Variants in DTNA observed in about 807,000 individuals in gnomAD.
DTNA encodes dystrobrevin alpha, also known as dystrophin-related protein 3.
DTNA carries 43 observed loss-of-function variants against 100.7 expected under a neutral mutation model. The observed-to-expected ratio is 0.43, with a 90% CI of 0.33 to 0.55. DTNA has a LOEUF of 0.55. Among genes scored for constraint, DTNA ranks in the 20% least tolerant of loss-of-function variants. The probability of loss-of-function intolerance (pLI) is 0.04; values close to 1 mark genes in which losing one functional copy is unlikely to be tolerated. For missense variants in DTNA, 798 were observed against 953.9 expected (o/e 0.84, Z 2.15); for synonymous variants, 349 against 347.9 (o/e 1.00, Z -0.04).
At chr18:34,783,640 C>A (rs185767702) in intron 3 of DTNA, among the ~76,000 whole-genome samples, 146 of 152,262 alleles carry the variant, frequency 9.6e-4, no homozygotes, top group African/African-American at 3.2e-3. Context: ...AGCTCATGCT[C>A]ACTAATGGAA....
chr18:34,641,553 G>A (rs568938084), intron 1 of DTNA, among the ~76,000 whole-genome samples: 1 of 152,214 alleles, frequency 6.6e-6, no homozygotes, highest in African/African-American at 2.4e-5. Flanking sequence ...CTTTTATCCA[G>A]GTGGAACAAT....
At chr18:34,671,665 A>G (rs2076771425) in intron 1 of DTNA, among the ~76,000 whole-genome samples, 1 of 152,212 alleles carries the variant, frequency 6.6e-6, no homozygotes, top group Admixed American at 6.5e-5. Flanking sequence ...TTACTAATGT[A>G]ACTGATAGAG....
At chr18:34,864,213 C>T in intron 17 of DTNA, 151 bp downstream of exon 17, 1 of 645,774 alleles carries the variant, frequency 1.5e-6, no homozygotes, top group Non-Finnish European at 2.7e-6. Flanking sequence ...TTTGTTAGAC[C>T]AGTGTAGCAG....
At chr18:34,875,917 A>C (rs2096811473) in intron 18 of DTNA, among the ~76,000 whole-genome samples, 1 of 152,236 alleles carries the variant, frequency 6.6e-6, no homozygotes, top group African/African-American at 2.4e-5. Context: ...AGGAGTACAA[A>C]GAGGGATGGG....
intron 1 of DTNA, among the ~76,000 whole-genome samples, chr18:34,686,712 G>C (rs1006825493): frequency 6.6e-6 from 1 of 152,090 alleles, no homozygotes; most frequent in African/African-American, 2.4e-5. Context: ...CAGAAGGAAT[G>C]GTACCAGCTC....
chr18:34,816,887 T>A (rs1214667747), intron 7 of DTNA, among the ~76,000 whole-genome samples: 1 of 152,252 alleles, frequency 6.6e-6, no homozygotes, highest in Non-Finnish European at 1.5e-5. Context: ...TATGAATTTA[T>A]CCTGTTTTTC....
intron 1 of DTNA, among the ~76,000 whole-genome samples, chr18:34,664,591 G>C (rs756045889): frequency 5.1e-4 from 78 of 152,112 alleles, no homozygotes; most frequent in Non-Finnish European, 4.7e-4. Flanking sequence ...AACTGGTGGT[G>C]TGGTTGTGGA....
chr18:34,629,773 C>A (rs2148070129), intron 1 of DTNA, among the ~76,000 whole-genome samples: 1 of 152,246 alleles, frequency 6.6e-6, no homozygotes, highest in Non-Finnish European at 1.5e-5. Flanking sequence ...CCACCAGACA[C>A]AATGTCCTGA....
intron 1 of DTNA, among the ~76,000 whole-genome samples, chr18:34,734,683 A>T (rs2089152852): frequency 6.6e-6 from 1 of 152,126 alleles, no homozygotes; most frequent in Non-Finnish European, 1.5e-5. Context: ...CACTTTGTCC[A>T]CTGAAGTTAG....
rs186203008 is a variant in DTNA, at chr18:34,574,743, C to T, written c.-2+81229C>T. 2.6e-4 allele frequency among the ~76,000 whole-genome samples: 40 copies of T among 152,214 alleles called. 1 individual carries two copies. In the East Asian group the frequency reaches 7.2e-3, roughly 27 times the overall value. ...AACTCTTGGGCTCAAGTGATCCTCC[C>T]ACCTCTACCTCCCAAGTAGCTGGGA... On this transcript the variant is annotated intron_variant, in intron 1 of 19. Transcript: ENST00000283365.
chr18:34,573,104 T>C (rs770060108), intron 1 of DTNA, among the ~76,000 whole-genome samples: 18 of 152,206 alleles, frequency 1.2e-4, no homozygotes, highest in Non-Finnish European at 2.6e-4. Flanking sequence ...TCCCTTTTGC[T>C]CTGCTCCCAT....
At chr18:34,526,540 T>C (rs1299251246) in intron 1 of DTNA, among the ~76,000 whole-genome samples, 1 of 152,092 alleles carries the variant, frequency 6.6e-6, no homozygotes, top group African/African-American at 2.4e-5. Context: ...TTACACTAAG[T>C]ATTACCTATT....
At chr18:34,506,134 A>C (rs2439862) in intron 1 of DTNA, among the ~76,000 whole-genome samples, 151,178 of 152,270 alleles carry the variant, frequency 0.99, 75,062 homozygotes, top group East Asian at 1. Flanking sequence ...TGCCTCCTTT[A>C]TGTTCCCCAT....
At chr18:34,878,285 T>C (rs2096838753) in intron 19 of DTNA, among the ~76,000 whole-genome samples, 1 of 152,164 alleles carries the variant, frequency 6.6e-6, no homozygotes, top group Non-Finnish European at 1.5e-5. Context: ...TTTTAAGTAA[T>C]GTTTATATTT....
At chr18:34,546,903 G>A (rs564750416) in intron 1 of DTNA, among the ~76,000 whole-genome samples, 127 of 151,918 alleles carry the variant, frequency 8.4e-4, no homozygotes, top group African/African-American at 1.3e-3. Flanking sequence ...TAGAGACGGG[G>A]TTTTGCTGTG....
chr18:34,855,865 G>T lies in DTNA; in HGVS notation c.1533-2420G>T, dbSNP rs137977356. On this transcript the variant is annotated intron_variant, in intron 15 of 22. Transcript: ENST00000444659. Reference sequence around the variant, plus strand: ...CCCTTCCAATACTCTGCTTCCACTCGGGCATGGGGGTAACACATTTGAGGG... The same window carrying T: ...CCCTTCCAATACTCTGCTTCCACTCTGGCATGGGGGTAACACATTTGAGGG... Among the ~76,000 whole-genome samples the T allele has an allele frequency of 4.6e-3, 695 of 152,162 alleles. 4 individuals carry two copies. The highest frequency in any genetic ancestry group is 8.5e-3 in the South Asian group (41 of 4,816).
At chr18:34,529,499 C>G (rs1414102328) in intron 1 of DTNA, among the ~76,000 whole-genome samples, 1 of 151,980 alleles carries the variant, frequency 6.6e-6, no homozygotes, top group African/African-American at 2.4e-5. Flanking sequence ...TTCCAGCACC[C>G]AGTGCAAAGG....
rs556985933 is a variant in DTNA, at chr18:34,889,630, C to A, written c.*1896C>A. ...CGGCTGTACGATGTTCACATGTCTG[C>A]GTTTGGTCAGACATCATCTCCTTGG... On this transcript the variant is annotated 3_prime_UTR_variant, in exon 23 of 23. Transcript: ENST00000444659. 1.4e-5 allele frequency: 14 copies of A among 985,424 alleles called. No individual in the cohort carries two copies. The highest frequency in any genetic ancestry group is 1.7e-5 in the Non-Finnish European group (14 of 829,936). 61.0% of individuals were successfully genotyped at this position (985,424 alleles called of 1,614,324 possible). A position where few individuals can be genotyped will look rare whatever the true frequency, so the allele number is the denominator to read the frequency against.
intron 4 of DTNA, among the ~76,000 whole-genome samples, chr18:34,799,572 A>C (rs1221222942): frequency 1.3e-5 from 2 of 152,250 alleles, no homozygotes; most frequent in African/African-American, 2.4e-5. Flanking sequence ...AGATATTTAA[A>C]ACAGTGTTTA....
Sources: allele counts gnomAD v4.1 joint callset (sites outside exome capture counted in the v4.1 genomes callset), GRCh38; gene constraint gnomAD v4.1.1; transcripts MANE v1.5; gene names NCBI Gene and HGNC (gene_info 2026-07-23, HGNC 2026-07-21).